Variants in KRCC1 observed in about 807,000 individuals in gnomAD.
The protein encoded by KRCC1 is lysine-rich coiled-coil protein 1.
A neutral mutation model predicts 7.4 loss-of-function variants in KRCC1; 3 were observed. The observed-to-expected ratio is 0.40, with a 90% CI of 0.18 to 1.04. KRCC1 has a LOEUF of 1.04. KRCC1 is among the 50% of genes least tolerant of loss of function. The pLI is 0.33. For missense variants in KRCC1, 277 were observed against 300.9 expected, an observed-to-expected ratio of 0.92 and a Z score of 0.59; for synonymous variants, 102 against 101.6, an observed-to-expected ratio of 1.00 and a Z score of -0.02.
chr2:88,030,953 T>A (rs183772586), intron 3 of KRCC1, among the ~76,000 whole-genome samples: 3 of 152,322 alleles, frequency 2.0e-5, no homozygotes, highest in Admixed American at 2.0e-4. Flanking sequence ...GTGTTTGTAG[T>A]GATGCTGGTA....
intron 1 of KRCC1, among the ~76,000 whole-genome samples, chr2:88,042,878 T>C (rs1173893917): frequency 6.6e-6 from 1 of 152,222 alleles, no homozygotes; most frequent in Non-Finnish European, 1.5e-5. Context: ...CTACAAAGAA[T>C]CTACTCTCTT....
intron 3 of KRCC1, among the ~76,000 whole-genome samples, 193 bp from the exon 4 acceptor site, chr2:88,028,778 G>A (rs868765188): frequency 8.6e-5 from 13 of 151,412 alleles, no homozygotes; most frequent in Non-Finnish European, 1.5e-4. Context: ...AGCCTCCCGA[G>A]TAGCTGGGAT....
At chr2:88,046,794 C>T (rs1026580092) in intron 1 of KRCC1, among the ~76,000 whole-genome samples, 3 of 152,176 alleles carry the variant, frequency 2.0e-5, no homozygotes, top group Admixed American at 6.5e-5. Context: ...CCTCAGCCTC[C>T]CCAGTAGCTG....
intron 3 of KRCC1, among the ~76,000 whole-genome samples, chr2:88,029,833 TAA>T (rs11431505): frequency 0.17 from 22,534 of 133,068 alleles, 2,265 homozygotes; most frequent in Non-Finnish European, 0.23. Context: ...TATATATATA[TAA>T]AAAAATATAT....
Position 88,027,707 on chromosome 2 carries a change from T to C in KRCC1, c.*77A>G. On this transcript the variant is annotated 3_prime_UTR_variant, in exon 4 of 4. Coordinates refer to ENST00000347055, the MANE Select transcript of KRCC1 (RefSeq NM_016618.3). ...GAACCTATTCACATAAGAAAAGTGG[T>C]ATGAACACGGATATCATAAAACCAA... 7.8e-7 allele frequency: 1 copy of C among 1,280,316 alleles called. No homozygotes were observed. 79.3% of individuals were successfully genotyped at this position (1,280,316 alleles called of 1,614,324 possible). A position where few individuals can be genotyped will look rare whatever the true frequency, so the allele number is the denominator to read the frequency against.
At chr2:88,049,005 T>G in intron 1 of KRCC1, among the ~76,000 whole-genome samples, 1 of 152,194 alleles carries the variant, frequency 6.6e-6, no homozygotes, top group East Asian at 1.9e-4. Context: ...TAATGCTCAT[T>G]GTTAATCTTG....
chr2:88,031,423 A>C (rs1274089981), intron 3 of KRCC1, among the ~76,000 whole-genome samples: 1 of 152,118 alleles, frequency 6.6e-6, no homozygotes, highest in African/African-American at 2.4e-5. Flanking sequence ...GGAGTTCGAG[A>C]CCAGCCTGGC....
At chr2:88,040,012 T>A (rs923763338) in intron 1 of KRCC1, among the ~76,000 whole-genome samples, 1 of 151,976 alleles carries the variant, frequency 6.6e-6, no homozygotes, top group Admixed American at 6.6e-5. Context: ...CAAAAATAAA[T>A]CTTTAATAAG....
intron 3 of KRCC1, among the ~76,000 whole-genome samples, chr2:88,029,063 A>G (rs905208218): frequency 1.3e-5 from 2 of 152,286 alleles, no homozygotes; most frequent in Non-Finnish European, 2.9e-5. Context: ...TAGCATCAGG[A>G]TGGTCAGATA....
At chr2:88,039,805 C>G (rs942743308) in intron 1 of KRCC1, among the ~76,000 whole-genome samples, 1 of 152,012 alleles carries the variant, frequency 6.6e-6, no homozygotes, top group African/African-American at 2.4e-5. Context: ...CAAAGGTTTT[C>G]AGAACTTCCC....
Position 88,028,111 on chromosome 2 carries a change from G to A in KRCC1, c.453C>T (p.Ala151=), listed in dbSNP as rs551429956. Residue 151 remains alanine, a synonymous_variant, in exon 4 of 4, where the codon GCC becomes GCT. Transcript: ENST00000347055. ...TCTTCTGATGTATCTGTTTGTGACTGGCTTGATGAGTACTGGTACTGTTAT... is the reference window on the plus strand; with the variant it reads ...TCTTCTGATGTATCTGTTTGTGACTAGCTTGATGAGTACTGGTACTGTTAT... ...SSDNSTSTHQ[A]SHKQIHQKRK... 8 of 1,614,070 alleles carry A rather than the reference G, an allele frequency of 5.0e-6. No homozygotes were observed. The South Asian group carries it at 8.8e-5, about 18-fold the overall frequency.
chr2:88,052,598 C>T (rs534038984), intron 1 of KRCC1, among the ~76,000 whole-genome samples: 1 of 152,034 alleles, frequency 6.6e-6, no homozygotes, highest in South Asian at 2.1e-4. Context: ...TAGTGAGTGA[C>T]CCATTATAGT....
At chr2:88,039,606 T>C (rs1573079053) in intron 1 of KRCC1, among the ~76,000 whole-genome samples, 1 of 152,262 alleles carries the variant, frequency 6.6e-6, no homozygotes, top group East Asian at 1.9e-4. Context: ...GAGAATCTCT[T>C]GAACCCAGGA....
At chr2:88,051,305 G>C (rs1249770722) in intron 1 of KRCC1, among the ~76,000 whole-genome samples, 2 of 152,176 alleles carry the variant, frequency 1.3e-5, no homozygotes, top group Admixed American at 6.5e-5. Flanking sequence ...GATCGGTATA[G>C]GTGAAAATGG....
In KRCC1 at chr2:88,028,042, C is replaced by T. The variant is rs1274411010; in HGVS notation, c.522G>A (p.Glu174=). Residue 174 remains glutamate, a synonymous_variant, in exon 4 of 4, where the codon GAG becomes GAA. Coordinates refer to ENST00000347055, the MANE Select transcript of KRCC1 (RefSeq NM_016618.3). ...PEEGREKSEE[E]RSKHKRKKSC... ...TTTTTTTTCTCTTATGCTTAGACCG[C>T]TCCTCCTCTGATTTTTCTCTGCCTT... 3 of 1,613,952 alleles carry T rather than the reference C, an allele frequency of 1.9e-6. No homozygotes were observed. Among genetic ancestry groups the T allele is most frequent in the Non-Finnish European group, 2.5e-6 (3 of 1,180,050 alleles).
At chr2:88,031,362 C>T (rs911069519) in intron 3 of KRCC1, among the ~76,000 whole-genome samples, 9 of 152,012 alleles carry the variant, frequency 5.9e-5, no homozygotes, top group Non-Finnish European at 1.2e-4. Flanking sequence ...GTGGCCCATG[C>T]CTGTAATCCC....
At chr2:88,035,767 G>A (rs1673079309) in intron 2 of KRCC1, among the ~76,000 whole-genome samples, 1 of 152,088 alleles carries the variant, frequency 6.6e-6, no homozygotes, top group South Asian at 2.1e-4. Context: ...TCCCATGAAA[G>A]TTATTTTTAA....
At position 88,055,766 on chromosome 2, in the gene KRCC1, G is replaced by C. The variant is rs1177213874; in HGVS notation, c.-431C>G. On this transcript the variant is annotated 5_prime_UTR_variant, in exon 1 of 4. Coordinates refer to ENST00000347055, the MANE Select transcript of KRCC1 (RefSeq NM_016618.3). ...CACCGCCGCCTCCGCCGCCGAGCAG[G>C]CTGGATGGGAGGAGGAGGCGGAGAC... The C allele has an allele frequency of 1.9e-5, 3 of 154,026 alleles. No individual in the cohort carries two copies. Among genetic ancestry groups the C allele is most frequent in the Admixed American group, 6.5e-5 (1 of 15,312 alleles). The allele number at this position is 154,026 out of a possible 1,614,324, so 9.5% of individuals were successfully genotyped here.
At chr2:88,041,704 T>A (rs1573080387) in intron 1 of KRCC1, among the ~76,000 whole-genome samples, 1 of 152,242 alleles carries the variant, frequency 6.6e-6, no homozygotes, top group Non-Finnish European at 1.5e-5. Flanking sequence ...AATTTTGACA[T>A]CACCTCTCTT....
Sources: allele counts gnomAD v4.1 joint callset (sites outside exome capture counted in the v4.1 genomes callset), GRCh38; gene constraint gnomAD v4.1.1; transcripts MANE v1.5; gene names NCBI Gene and HGNC (gene_info 2026-07-23, HGNC 2026-07-21).